The following ABL2 variants were observed in gnomAD, a reference collection of about 807,000 sequenced individuals.
The protein encoded by ABL2 is tyrosine-protein kinase ABL2.
Under a neutral mutation model 107.7 loss-of-function variants are expected in ABL2, and 49 were observed. That is an observed-to-expected ratio of 0.45 (90% CI 0.36 to 0.58). The LOEUF (loss-of-function observed/expected upper bound fraction) is 0.58. Ranked by LOEUF, ABL2 falls within the 20% of genes least tolerant of loss-of-function variation. The pLI, the probability that ABL2 is intolerant of heterozygous loss-of-function variation, is 0.00. For synonymous variants in ABL2, 549 were observed against 548.6 expected (o/e 1.00, Z -0.01); for missense variants, 1,245 against 1,457.0 (o/e 0.85, Z 2.37).
At chr1:179,225,359 C>T (rs1294637064) in intron 1 of ABL2, among the ~76,000 whole-genome samples, 1 of 152,170 alleles carries the variant, frequency 6.6e-6, no homozygotes, top group Non-Finnish European at 1.5e-5. Context: ...ACAGACCTAA[C>T]ATTCATATAT....
intron 1 of ABL2, among the ~76,000 whole-genome samples, chr1:179,180,935 T>C (rs1660343127): frequency 6.6e-6 from 1 of 152,188 alleles, no homozygotes; most frequent in African/African-American, 2.4e-5. Flanking sequence ...AAAAGCGTGA[T>C]AATTATTTCA....
chr1:179,111,211 G>A (rs964986681), intron 10 of ABL2, among the ~76,000 whole-genome samples: 17 of 147,264 alleles, frequency 1.2e-4, no homozygotes, highest in East Asian at 8.1e-4. Flanking sequence ...CTCGAACTCC[G>A]GAACTTGTGA....
intron 1 of ABL2, among the ~76,000 whole-genome samples, chr1:179,205,461 T>C (rs1421277855): frequency 6.6e-6 from 1 of 152,326 alleles, no homozygotes; most frequent in East Asian, 1.9e-4. Flanking sequence ...AAGTGACATA[T>C]ATCCCTTCTG....
chr1:179,194,282 T>G (rs1464882605), intron 1 of ABL2, among the ~76,000 whole-genome samples: 1 of 152,122 alleles, frequency 6.6e-6, no homozygotes, highest in African/African-American at 2.4e-5. Flanking sequence ...ACGAATTTAG[T>G]AAGTGAAAAA....
chr1:179,113,993 G>A (rs1437498282), intron 9 of ABL2, among the ~76,000 whole-genome samples: 1 of 151,932 alleles, frequency 6.6e-6, no homozygotes, highest in Non-Finnish European at 1.5e-5. Flanking sequence ...GGTGGCTCAT[G>A]CCTGTAATCC....
At chr1:179,173,694 C>G (rs929303919) in intron 1 of ABL2, among the ~76,000 whole-genome samples, 2 of 151,950 alleles carry the variant, frequency 1.3e-5, no homozygotes, top group African/African-American at 4.8e-5. Context: ...TTACTTTGCC[C>G]CAAACAATAC....
In ABL2 at chr1:179,126,795, A is replaced by T. The variant is rs927463833; in HGVS notation, c.392-123T>A. On this transcript the variant is annotated intron_variant, in intron 3 of 11. Coordinates refer to ENST00000502732, the MANE Select transcript of ABL2 (RefSeq NM_007314.4). The surrounding 1 kb of genome is among the most constrained non-coding windows in gnomAD (Gnocchi z 4.4). ...AAAGAATCTAGAACTTTTATGCCAAATTTTTTTTTTAAATAATGAAAACAA... is the reference window on the plus strand; with the variant it reads ...AAAGAATCTAGAACTTTTATGCCAATTTTTTTTTTTAAATAATGAAAACAA... The T allele has an allele frequency of 1.1e-4, 106 of 953,308 alleles. No homozygotes were observed. Among genetic ancestry groups the T allele is most frequent in the South Asian group, 3.0e-4 (13 of 43,874 alleles). 59.1% of individuals were successfully genotyped at this position (953,308 alleles called of 1,614,324 possible). A position where few individuals can be genotyped will look rare whatever the true frequency, so the allele number is the denominator to read the frequency against.
rs1482282899 is a variant in ABL2 at position 179,101,387 on chromosome 1, T to TC, written c.*6330_*6331insG. On this transcript the variant is annotated 3_prime_UTR_variant, in exon 12 of 12. Coordinates refer to ENST00000502732, the MANE Select transcript of ABL2 (RefSeq NM_007314.4). The stretch of plus-strand genomic sequence containing the variant: ...AGAAATGAAGGTATCCTTTTTTTTT[T>TC]TTTTCTTCTTAACGTGTCTCACTCT... 9.7e-5 allele frequency: 18 copies of TC among 185,928 alleles called. No homozygotes were observed. The highest frequency in any genetic ancestry group is 3.3e-4 in the African/African-American group (14 of 42,278). 11.5% of individuals were successfully genotyped at this position (185,928 alleles called of 1,614,324 possible).
intron 1 of ABL2, among the ~76,000 whole-genome samples, chr1:179,191,864 T>C (rs1166258000): frequency 6.6e-6 from 1 of 152,192 alleles, no homozygotes; most frequent in African/African-American, 2.4e-5. Flanking sequence ...GATGGAACAA[T>C]TACTCAATTG....
At position 179,108,351 on chromosome 1, in the gene ABL2, C is replaced by T. The variant is rs2102574617; in HGVS notation, c.2916G>A (p.Lys972=). The T allele has an allele frequency of 6.2e-7, 1 of 1,614,224 alleles. No homozygotes were observed. The highest frequency in any genetic ancestry group is 8.5e-7 in the Non-Finnish European group (1 of 1,180,050). The stretch of plus-strand genomic sequence containing the variant: ...TTGGTTTTACCCGTCGGGGTCGGTC[C>T]TTGTCTCCAGAGGATGTGACCTGAT... The part of the protein sequence containing the change: ...SEHQVTSSGD[K]DRPRRVKPKC... Residue 972 remains lysine, a synonymous_variant, in exon 12 of 12, where the codon AAG becomes AAA. Coordinates refer to ENST00000502732, the MANE Select transcript of ABL2 (RefSeq NM_007314.4).
chr1:179,203,238 ATC>A (rs752794379), intron 1 of ABL2, among the ~76,000 whole-genome samples: 1 of 152,228 alleles, frequency 6.6e-6, no homozygotes, highest in Non-Finnish European at 1.5e-5. Context: ...TCAAAACAAA[ATC>A]TCTGTGTTTT....
intron 4 of ABL2, among the ~76,000 whole-genome samples, chr1:179,122,710 G>A (rs1655344504): frequency 6.6e-6 from 1 of 151,726 alleles, no homozygotes; most frequent in Non-Finnish European, 1.5e-5. Context: ...CTGGAGTGCA[G>A]TGTCATGACC....
At chr1:179,201,319 C>T (rs965045631) in intron 1 of ABL2, among the ~76,000 whole-genome samples, 4 of 152,178 alleles carry the variant, frequency 2.6e-5, no homozygotes, top group African/African-American at 9.7e-5. Context: ...ACTAAAATTA[C>T]CTTATTGAAA....
In ABL2 at chr1:179,229,283, C is replaced by A. The variant is rs772415670; in HGVS notation, c.115G>T (p.Gly39Trp). The A allele has an allele frequency of 1.2e-4, 188 of 1,569,512 alleles. No homozygotes were observed. Among genetic ancestry groups the A allele is most frequent in the Non-Finnish European group, 1.6e-4 (184 of 1,159,412 alleles). Residue 39 changes from glycine to tryptophan, a missense_variant, in exon 1 of 12, where the codon GGG becomes TGG. Physicochemically the swap from Gly to Trp is radical, Grantham distance 184. This residue lies in a region of ABL2 where 164 missense variants were observed against 143.7 expected (regional missense o/e 1.14). Coordinates refer to ENST00000502732, the MANE Select transcript of ABL2 (RefSeq NM_007314.4). ...TTGAAGCCGGTCTCTGTGGTGCGCC[C>A]CGCCGGGTCCCGCCTGCGGCCGGAG... Reference protein sequence around the residue: ...RPSGRRRDPAGRTTETGFNIF... With the variant: ...RPSGRRRDPAWRTTETGFNIF...
intron 1 of ABL2, among the ~76,000 whole-genome samples, chr1:179,219,337 C>T (rs1662750986): frequency 1.3e-5 from 2 of 152,160 alleles, no homozygotes; most frequent in South Asian, 4.2e-4. Context: ...AGCTACCATG[C>T]CTGGCCTAAA....
In ABL2 at chr1:179,109,057, C is replaced by T; in HGVS notation, c.2210G>A (p.Gly737Asp). 1.6e-6 allele frequency: 2 copies of T among 1,283,734 alleles called. No individual in the cohort carries two copies. Among genetic ancestry groups the T allele is most frequent in the Non-Finnish European group, 2.1e-6 (2 of 944,220 alleles). The allele number at this position is 1,283,734 out of a possible 1,614,324, so 79.5% of individuals were successfully genotyped here. ...CCACCCACCCCCAGCAGTGCCACTG[C>T]CCCCACCCCCACCACCGTCGTCATT... ...LCNDDGGGGG[G>D]SGTAGGGWSG... The change falls in exon 12 of 12, where the codon GGC (glycine) becomes GAC (aspartate). Residue 737 changes from glycine to aspartate, a missense_variant. Coordinates refer to ENST00000502732, the MANE Select transcript of ABL2 (RefSeq NM_007314.4).
At chr1:179,200,273 C>T (rs1407223327) in intron 1 of ABL2, among the ~76,000 whole-genome samples, 1 of 151,978 alleles carries the variant, frequency 6.6e-6, no homozygotes, top group African/African-American at 2.4e-5. Context: ...TCTTGAACTC[C>T]TGACCTCAGG....
rs534737961 is a variant in ABL2, at chr1:179,202,346, T to C, written c.157+26895A>G. Reference sequence around the variant, plus strand: ...TAAAAACTAGTCAGGAAACCCACGCTTCCCTCTTCTTAAAAGAAATTAACT... The same window carrying C: ...TAAAAACTAGTCAGGAAACCCACGCCTCCCTCTTCTTAAAAGAAATTAACT... On this transcript the variant is annotated intron_variant, in intron 1 of 11. Transcript: ENST00000502732. 1.6e-3 allele frequency among the ~76,000 whole-genome samples: 251 copies of C among 152,316 alleles called. 1 individual carries two copies. Among genetic ancestry groups the C allele is most frequent in the African/African-American group, 5.8e-3 (243 of 41,578 alleles).
chr1:179,180,728 T>C (rs1660330108), intron 1 of ABL2, among the ~76,000 whole-genome samples: 1 of 152,210 alleles, frequency 6.6e-6, no homozygotes, highest in African/African-American at 2.4e-5. Flanking sequence ...GTTGTGTTTA[T>C]TTTATCACAA....
Sources: gnomAD v4.1 joint callset for allele counts (sites outside exome capture counted in the v4.1 genomes callset) on GRCh38, gnomAD v4.1.1 for gene constraint, gnomAD v4.1.1 regional missense constraint, Gnocchi (gnomAD v3.1) non-coding constraint, MANE v1.5 for transcripts, NCBI Gene and HGNC (gene_info 2026-07-23, HGNC 2026-07-21) for gene names.